CACNA1I: variants seen among roughly 807,000 people sequenced by gnomAD.
The protein encoded by CACNA1I is voltage-dependent T-type calcium channel subunit alpha-1I.
CACNA1I carries 74 observed loss-of-function variants against 201.6 expected under a neutral mutation model. That is an observed-to-expected ratio of 0.37 (90% CI 0.30 to 0.45). The LOEUF is 0.45. CACNA1I is among the 20% of genes least tolerant of loss of function. CACNA1I has a pLI of 1.00. For missense variants in CACNA1I, 2,346 were observed against 3,138.1 expected, an observed-to-expected ratio of 0.75 and a Z score of 6.03; for synonymous variants, 1,431 against 1,345.2, an observed-to-expected ratio of 1.06 and a Z score of -1.40.
chr22:39,603,684 A>G (rs1193072698), intron 3 of CACNA1I, among the ~76,000 whole-genome samples: 1 of 152,226 alleles, frequency 6.6e-6, no homozygotes, highest in African/African-American at 2.4e-5. Context: ...TGAAAAGGTA[A>G]AAAAAGTGAC....
intron 5 of CACNA1I, 116 bp downstream of exon 5, chr22:39,634,840 G>A: frequency 1.0e-6 from 1 of 966,802 alleles, no homozygotes; most frequent in Non-Finnish European, 1.5e-6. Flanking sequence ...AAAAAAGAGA[G>A]GTCAGGTAGG....
intron 3 of CACNA1I, among the ~76,000 whole-genome samples, chr22:39,602,241 T>C (rs933241330): frequency 2.7e-5 from 4 of 149,740 alleles, no homozygotes; most frequent in African/African-American, 9.9e-5. Context: ...CTGGCTAATT[T>C]TTCTTTTCTT....
intron 5 of CACNA1I, among the ~76,000 whole-genome samples, chr22:39,637,331 T>C (rs1934245921): frequency 6.6e-6 from 1 of 152,130 alleles, no homozygotes; most frequent in African/African-American, 2.4e-5. Context: ...TCTCAGAGGA[T>C]GTGAACTTGA....
chr22:39,683,319 A>G (rs537688231), intron 35 of CACNA1I, among the ~76,000 whole-genome samples: 1 of 152,210 alleles, frequency 6.6e-6, no homozygotes, highest in Admixed American at 6.5e-5. Flanking sequence ...CCAGCAGAAG[A>G]GGGATGCCCA....
At chr22:39,657,597 C>T (rs1039898063) in intron 10 of CACNA1I, among the ~76,000 whole-genome samples, 1 of 152,216 alleles carries the variant, frequency 6.6e-6, no homozygotes, top group African/African-American at 2.4e-5. Context: ...CCTGGCCACA[C>T]CACTTGTTAG....
At chr22:39,609,273 G>A (rs1933312249) in intron 3 of CACNA1I, among the ~76,000 whole-genome samples, 1 of 152,168 alleles carries the variant, frequency 6.6e-6, no homozygotes, top group Non-Finnish European at 1.5e-5. Context: ...TGAACCCAGG[G>A]AGCTTAGCTC....
Position 39,599,271 on chromosome 22 carries a change from A to G in CACNA1I, c.348+1009A>G, listed in dbSNP as rs1406707184. On this transcript the variant is annotated intron_variant, in intron 2 of 36. Transcript: ENST00000402142. Reference sequence around the variant, plus strand: ...CCTCTGCCTCTTGGGTTTCTATAGGACTCAGTAGCTCCCAGGCAGCACTGG... The same window carrying G: ...CCTCTGCCTCTTGGGTTTCTATAGGGCTCAGTAGCTCCCAGGCAGCACTGG... Among the ~76,000 whole-genome samples, 3 of 146,246 alleles carry G rather than the reference A, an allele frequency of 2.1e-5. No individual in the cohort carries two copies. In the East Asian group the frequency reaches 6.2e-4, roughly 30 times the overall value.
At chr22:39,650,486 C>T (rs980354911) in intron 10 of CACNA1I, among the ~76,000 whole-genome samples, 4 of 152,292 alleles carry the variant, frequency 2.6e-5, no homozygotes, top group Middle Eastern at 3.4e-3. Context: ...CCCCAAACAG[C>T]TGGGGTGATT....
intron 3 of CACNA1I, among the ~76,000 whole-genome samples, chr22:39,605,469 CCATTCATTCATT>C (rs373946045): frequency 2.6e-5 from 4 of 152,138 alleles, no homozygotes; most frequent in African/African-American, 4.8e-5. Flanking sequence ...CCGGATGGTA[CCATTCATTCATT>C]CATTCATTCA....
rs1935980801 is a variant in CACNA1I, at chr22:39,689,660, G to C, written c.*3255G>C. The stretch of plus-strand genomic sequence containing the variant: ...TGGCGCTGGTACCTGCTGGCCCATG[G>C]CCCGGGTGTAGAGAAACCAAGCGGC... On this transcript the variant is annotated 3_prime_UTR_variant, in exon 37 of 37. Transcript: ENST00000402142. 6.5e-6 allele frequency: 1 copy of C among 152,732 alleles called. No homozygotes were observed. Among genetic ancestry groups the C allele is most frequent in the South Asian group, 2.1e-4 (1 of 4,836 alleles). 9.5% of individuals were successfully genotyped at this position (152,732 alleles called of 1,614,324 possible). A position where few individuals can be genotyped will look rare whatever the true frequency, so the allele number is the denominator to read the frequency against.
At position 39,658,940 on chromosome 22, in the gene CACNA1I, G is replaced by T; in HGVS notation, c.2154G>T (p.Glu718Asp). The change falls in exon 12 of 37, where the codon GAG becomes GAT. Residue 718 changes from glutamate (E) to aspartate (D), a missense_variant. Glu to Asp is a conservative substitution (Grantham distance 45, BLOSUM62 2). Around this residue, in one of 13 missense-constraint regions of CACNA1I, gnomAD observed 155 missense variants for 300.8 expected, o/e 0.52. Transcript: ENST00000402142. ...CCCTGCGGGACCGCAGCATCTGGGA[G>T]ATTGTGGGGCAGGCGGACGGTGGGC... Reference protein sequence around the residue: ...DSIIVIISIWEIVGQADGGLS... With the variant: ...DSIIVIISIWDIVGQADGGLS... The T allele has an allele frequency of 6.3e-7, 1 of 1,596,972 alleles. No homozygotes were observed. The highest frequency in any genetic ancestry group is 1.1e-5 in the South Asian group (1 of 88,282).
At chr22:39,587,521 T>C (rs945594869) in intron 1 of CACNA1I, among the ~76,000 whole-genome samples, 1 of 151,666 alleles carries the variant, frequency 6.6e-6, no homozygotes, top group Non-Finnish European at 1.5e-5. Context: ...TAAAGTGGGG[T>C]GTAATAATGT....
At chr22:39,675,598 G>A (rs1935493568) in intron 29 of CACNA1I, among the ~76,000 whole-genome samples, 1 of 152,254 alleles carries the variant, frequency 6.6e-6, no homozygotes, top group African/African-American at 2.4e-5. Context: ...ATTTGCTGTT[G>A]CTCATGTTGT....
In CACNA1I at chr22:39,662,134, AG is replaced by A; in HGVS notation, c.3075del (p.Pro1026ArgfsTer108). The A allele has an allele frequency of 1.3e-6, 2 of 1,526,020 alleles. No homozygotes were observed. Among genetic ancestry groups the A allele is most frequent in the Non-Finnish European group, 8.8e-7 (1 of 1,140,672 alleles). 94.5% of individuals were successfully genotyped at this position (1,526,020 alleles called of 1,614,324 possible). ...CGGGTCTGCGAGGTTGCCGCGGACG[AG>A]GGGCCGCCGCGGGCCGCACCCCTGC... The part of the protein sequence containing the change: ...GARVCEVAAD[E>X]GPPRAAPLHT... On this transcript the variant is annotated frameshift_variant, in exon 17 of 37. Coordinates refer to ENST00000402142, the MANE Select transcript of CACNA1I (RefSeq NM_021096.4). LOFTEE classifies it high-confidence loss of function.
intron 10 of CACNA1I, among the ~76,000 whole-genome samples, chr22:39,655,918 G>A (rs1190546836): frequency 1.3e-5 from 2 of 152,220 alleles, no homozygotes; most frequent in Non-Finnish European, 2.9e-5. Context: ...GTAGGAGTGT[G>A]TGCGTGGCGC....
At position 39,660,657 on chromosome 22, in the gene CACNA1I, G is replaced by A. The variant is rs534706283; in HGVS notation, c.2698+220G>A. On this transcript the variant is annotated intron_variant, in intron 15 of 36. Transcript: ENST00000402142. ...TGGGATTCTAGGCACAGGGGTAGCC[G>A]CAGCCCACCACATCCCTCCACATAC... Among the ~76,000 whole-genome samples, 325 of 152,308 alleles carry A rather than the reference G, an allele frequency of 2.1e-3. 4 individuals are homozygous for A. Among genetic ancestry groups the A allele is most frequent in the African/African-American group, 7.6e-3 (317 of 41,560 alleles).
intron 18 of CACNA1I, among the ~76,000 whole-genome samples, chr22:39,663,152 C>T (rs945317539): frequency 1.3e-5 from 2 of 152,182 alleles, no homozygotes; most frequent in East Asian, 3.9e-4. Flanking sequence ...TGGGGCTAGG[C>T]GAGGACTTTA....
At chr22:39,669,707 A>ATGGG (rs1258438891) in intron 24 of CACNA1I, among the ~76,000 whole-genome samples, 6 of 151,698 alleles carry the variant, frequency 4.0e-5, no homozygotes, top group African/African-American at 1.5e-4. Flanking sequence ...TGGTGGATGG[A>ATGGG]TGGGTGGGTG....
chr22:39,635,161 G>A (rs1283338752), intron 5 of CACNA1I, among the ~76,000 whole-genome samples: 2 of 152,206 alleles, frequency 1.3e-5, no homozygotes, highest in African/African-American at 2.4e-5. Context: ...GGGGATAAGT[G>A]TGCACACACA....
Sources: allele counts gnomAD v4.1 joint callset (sites outside exome capture counted in the v4.1 genomes callset), GRCh38; gene constraint gnomAD v4.1.1; regional missense constraint gnomAD v4.1.1; transcripts MANE v1.5; gene names NCBI Gene and HGNC (gene_info 2026-07-23, HGNC 2026-07-21).